CFAP161: variants seen among roughly 807,000 people sequenced by gnomAD.
CFAP161 encodes cilia and flagella associated protein 161.
In CFAP161, 25 loss-of-function variants were observed where a neutral mutation model predicts 29.0. That is an observed-to-expected ratio of 0.86 (90% CI 0.63 to 1.20). The LOEUF is 1.20. Ranked by LOEUF, CFAP161 falls within the 50% of genes most tolerant of loss-of-function variation. The probability of loss-of-function intolerance (pLI) is 0.00; values close to 1 mark genes in which losing one functional copy is unlikely to be tolerated. For synonymous variants in CFAP161, 116 were observed against 137.4 expected (o/e 0.84, Z 1.09); for missense variants, 367 against 371.9 (o/e 0.99, Z 0.11).
chr15:81,144,796 A>G (rs1369602351), intron 5 of CFAP161, among the ~76,000 whole-genome samples: 10 of 151,408 alleles, frequency 6.6e-5, no homozygotes, highest in Non-Finnish European at 1.5e-4. Context: ...AAAAAAAAAA[A>G]AAAGAAAGAA....
At chr15:81,129,796 TG>T (rs1194223047), upstream of CFAP161, among the ~76,000 whole-genome samples, 1 of 150,738 alleles carries the variant, frequency 6.6e-6, no homozygotes, top group East Asian at 1.9e-4. Context: ...AAGTCTTTTT[TG>T]CCTACATTGA....
chr15:81,137,093 G>A (rs1177136494), intron 3 of CFAP161, among the ~76,000 whole-genome samples: 3 of 93,488 alleles, frequency 3.2e-5, no homozygotes, highest in Non-Finnish European at 5.4e-5. Flanking sequence ...TCTTAATACG[G>A]CTATTTTTTT....
At chr15:81,106,244 G>T (rs940923383) in intron 1 of CFAP161, among the ~76,000 whole-genome samples, 2 of 152,236 alleles carry the variant, frequency 1.3e-5, no homozygotes, top group African/African-American at 2.4e-5. Context: ...GTTTGGGGGA[G>T]TCTCAAGGAT....
At chr15:81,109,687 G>A (rs1382618988) in intron 1 of CFAP161, among the ~76,000 whole-genome samples, 1 of 152,134 alleles carries the variant, frequency 6.6e-6, no homozygotes, top group Non-Finnish European at 1.5e-5. Context: ...CTAGATGACA[G>A]GGTAAGACCT....
intron 1 of CFAP161, among the ~76,000 whole-genome samples, chr15:81,109,486 C>T (rs377416514): frequency 3.3e-5 from 5 of 152,220 alleles, no homozygotes; most frequent in Middle Eastern, 3.4e-3. Flanking sequence ...TTGCTTTTTT[C>T]GGTTAGAATT....
At chr15:81,100,448 A>G (rs887623297) in intron 1 of CFAP161, among the ~76,000 whole-genome samples, 7 of 151,932 alleles carry the variant, frequency 4.6e-5, no homozygotes, top group African/African-American at 7.2e-5. Context: ...ATAATGAACA[A>G]TGGATGACTT....
intron 4 of CFAP161, 107 bp downstream of exon 4, chr15:81,138,242 C>G: frequency 1.2e-6 from 1 of 865,094 alleles, no homozygotes; most frequent in Non-Finnish European, 1.9e-6. Flanking sequence ...GTCATGGGCT[C>G]CACCTCTGAC....
At chr15:81,141,812 G>T (rs1033533406) in intron 4 of CFAP161, among the ~76,000 whole-genome samples, 1 of 151,642 alleles carries the variant, frequency 6.6e-6, no homozygotes, top group East Asian at 1.9e-4. Flanking sequence ...AGCTTCCTGC[G>T]TAGCTGGGAT....
intron 1 of CFAP161, among the ~76,000 whole-genome samples, chr15:81,121,043 A>G (rs1258394989): frequency 6.6e-6 from 1 of 152,226 alleles, no homozygotes; most frequent in Non-Finnish European, 1.5e-5. Flanking sequence ...GGATTAATGC[A>G]TTTTTAAGGT....
At chr15:81,118,190 A>T (rs1041281003) in intron 1 of CFAP161, 1 of 470,758 alleles carries the variant, frequency 2.1e-6, no homozygotes. Context: ...CTGAGTACAA[A>T]TTTTTTCAAT....
intron 1 of CFAP161, among the ~76,000 whole-genome samples, chr15:81,123,947 A>G (rs1242930408): frequency 6.6e-6 from 1 of 152,182 alleles, no homozygotes; most frequent in African/African-American, 2.4e-5. Flanking sequence ...GGCTGAGACG[A>G]TGGGGTTTTC....
At chr15:81,144,122 C>T (rs1326176593) in intron 5 of CFAP161, among the ~76,000 whole-genome samples, 1 of 152,202 alleles carries the variant, frequency 6.6e-6, no homozygotes, top group Non-Finnish European at 1.5e-5. Flanking sequence ...CCCATGGCAG[C>T]ATCCTGCACT....
At chr15:81,130,241 G>T (rs2663908), upstream of CFAP161, among the ~76,000 whole-genome samples, 2,553 of 152,228 alleles carry the variant, frequency 0.017, 30 homozygotes, top group Non-Finnish European at 0.028. Context: ...GAAACAGGCT[G>T]TTTTACTTTC....
At chr15:81,131,336 A>T (rs1894708644), upstream of CFAP161, among the ~76,000 whole-genome samples, 1 of 152,176 alleles carries the variant, frequency 6.6e-6, no homozygotes, top group Non-Finnish European at 1.5e-5. Flanking sequence ...ACTGCCTTTG[A>T]CAGAGCCCAG....
Position 81,135,757 on chromosome 15 carries a change from A to G in CFAP161, c.159+398A>G, listed in dbSNP as rs191585052. Among the ~76,000 whole-genome samples, 182 of 152,200 alleles carry G rather than the reference A, an allele frequency of 1.2e-3. 1 individual carries two copies. The highest frequency in any genetic ancestry group is 9.9e-3 in the Admixed American group (151 of 15,282). On this transcript the variant is annotated intron_variant, in intron 2 of 6. Transcript: ENST00000286732. ...TATATGTGCCACATTTTCTTAATCC[A>G]GTCTATCGTTGTTGGACATTTAGGT...
chr15:81,100,527 G>A (rs978942949), intron 1 of CFAP161, among the ~76,000 whole-genome samples: 2 of 152,076 alleles, frequency 1.3e-5, no homozygotes, highest in African/African-American at 4.8e-5. Flanking sequence ...GGAGTACACT[G>A]AGGCTAGCTC....
chr15:81,109,959 A>C (rs912803545), intron 1 of CFAP161, among the ~76,000 whole-genome samples: 2 of 152,088 alleles, frequency 1.3e-5, no homozygotes, highest in African/African-American at 4.8e-5. Flanking sequence ...CAGTGATTTC[A>C]CCATTTTTCC....
intron 1 of CFAP161, among the ~76,000 whole-genome samples, chr15:81,106,845 C>T (rs1304520871): frequency 6.6e-6 from 1 of 152,120 alleles, no homozygotes; most frequent in Non-Finnish European, 1.5e-5. Context: ...GCGGGTGGAT[C>T]ACTTGAGCCC....
chr15:81,142,637 C>T (rs761498312), intron 4 of CFAP161, among the ~76,000 whole-genome samples: 3 of 152,206 alleles, frequency 2.0e-5, no homozygotes, highest in Non-Finnish European at 2.9e-5. Flanking sequence ...ACCTCTTCTG[C>T]TAGGTGGAGA....
Sources: gnomAD v4.1 joint callset for allele counts (sites outside exome capture counted in the v4.1 genomes callset) on GRCh38, gnomAD v4.1.1 for gene constraint, MANE v1.5 for transcripts, NCBI Gene and HGNC (gene_info 2026-07-23, HGNC 2026-07-21) for gene names.